CYFIP2: variants seen among roughly 807,000 people sequenced by gnomAD.
CYFIP2 encodes cytoplasmic FMR1 interacting protein 2, also known as cytoplasmic FMR1-interacting protein 2.
Under a neutral mutation model 158.7 loss-of-function variants are expected in CYFIP2, and 29 were observed. The ratio of observed to expected loss-of-function variants is 0.18; its 90% CI spans 0.14 to 0.25. The LOEUF (loss-of-function observed/expected upper bound fraction) is 0.25, where lower values mean the gene tolerates loss of function less well. CYFIP2 is among the 10% of genes least tolerant of loss of function. The probability of loss-of-function intolerance (pLI) is 1.00; values close to 1 mark genes in which losing one functional copy is unlikely to be tolerated. For missense variants in CYFIP2, 852 were observed against 1,639.5 expected, an observed-to-expected ratio of 0.52 and a Z score of 8.29; for synonymous variants, 585 against 617.6, an observed-to-expected ratio of 0.95 and a Z score of 0.78.
chr5:157,362,618 A>G (rs2113374186), intron 26 of CYFIP2: 1 of 152,304 alleles, frequency 6.6e-6, no homozygotes, highest in African/African-American at 2.4e-5. Flanking sequence ...CACTCATTAG[A>G]TAATTATTCC....
chr5:157,360,234 C>A, intron 24 of CYFIP2, 48 bp from the exon 25 acceptor site: 1 of 1,523,540 alleles, frequency 6.6e-7, no homozygotes, highest in Non-Finnish European at 9.0e-7. Flanking sequence ...CTCCATACCC[C>A]GCATAGCCCA....
intron 26 of CYFIP2, among the ~76,000 whole-genome samples, chr5:157,381,884 G>A (rs908117125): frequency 6.6e-6 from 1 of 152,222 alleles, no homozygotes; most frequent in African/African-American, 2.4e-5. Flanking sequence ...AACCCCGGCA[G>A]AGGATGGCTT....
intron 8 of CYFIP2, among the ~76,000 whole-genome samples, chr5:157,305,881 G>A (rs1759175513): frequency 6.6e-6 from 1 of 152,118 alleles, no homozygotes; most frequent in Non-Finnish European, 1.5e-5. Context: ...TTCAAAATTT[G>A]CAATCTGCAT....
At position 157,393,122 on chromosome 5, in the gene CYFIP2, C is replaced by T. The variant is rs1330475460; in HGVS notation, c.*122C>T. 2 of 1,126,150 alleles carry T rather than the reference C, an allele frequency of 1.8e-6. No homozygotes were observed. Among genetic ancestry groups the T allele is most frequent in the East Asian group, 2.6e-5 (1 of 39,034 alleles). The allele number at this position is 1,126,150 out of a possible 1,614,324, so 69.8% of individuals were successfully genotyped here. A position where few individuals can be genotyped will look rare whatever the true frequency, so the allele number is the denominator to read the frequency against. On this transcript the variant is annotated 3_prime_UTR_variant, in exon 31 of 31. Coordinates refer to ENST00000620254, the MANE Select transcript of CYFIP2 (RefSeq NM_001037333.3). ...GGGATGGACCTGGAAACAAGCACCT[C>T]CCCAAACACATCACCACTCCCTAGG...
chr5:157,275,490 T>G lies in CYFIP2; in HGVS notation c.-24+9295T>G, dbSNP rs1289084045. 4.6e-5 allele frequency among the ~76,000 whole-genome samples: 7 copies of G among 152,386 alleles called. No individual in the cohort carries two copies. In the South Asian group the frequency reaches 1.2e-3, roughly 27 times the overall value. On this transcript the variant is annotated intron_variant, in intron 1 of 30. Transcript: ENST00000620254. The stretch of plus-strand genomic sequence containing the variant: ...GGATTCTCAGTTCAATTCCATTAAT[T>G]TAATCATTGTTCATTGTCTTCATGG...
chr5:157,369,817 C>G (rs541987539), intron 26 of CYFIP2, among the ~76,000 whole-genome samples: 2 of 151,274 alleles, frequency 1.3e-5, no homozygotes, highest in African/African-American at 4.9e-5. Context: ...TGGAAATCTG[C>G]TTAAAAATTC....
Position 157,287,048 on chromosome 5 carries a change from G to A in CYFIP2, c.147G>A (p.Arg49=). 1 of 1,613,544 alleles carries A rather than the reference G, an allele frequency of 6.2e-7. No homozygotes were observed. The highest frequency in any genetic ancestry group is 8.5e-7 in the Non-Finnish European group (1 of 1,179,580). ...QANFDTNFED[R]NAFVTGIARY... ...ACTTTGACACAAACTTTGAGGACAGGAATGCATTTGTCACGGGCATTGCAA... is the reference window on the plus strand; with the variant it reads ...ACTTTGACACAAACTTTGAGGACAGAAATGCATTTGTCACGGGCATTGCAA... The change falls in exon 3 of 31, where the codon AGG becomes AGA. Residue 49 remains arginine, a synonymous_variant. Coordinates refer to ENST00000620254, the MANE Select transcript of CYFIP2 (RefSeq NM_001037333.3).
At chr5:157,314,289 A>T in intron 11 of CYFIP2, 55 bp from the exon 12 acceptor site, 1 of 1,580,970 alleles carries the variant, frequency 6.3e-7, no homozygotes, top group Non-Finnish European at 8.6e-7. Context: ...CAATGAGATA[A>T]CATATAAAAG....
At chr5:157,367,092 G>C (rs1311014581) in intron 26 of CYFIP2, among the ~76,000 whole-genome samples, 2 of 152,112 alleles carry the variant, frequency 1.3e-5, no homozygotes, top group Admixed American at 1.3e-4. Context: ...TCAGTCATTT[G>C]AGAGCATTAC....
chr5:157,348,842 A>C (rs1762872283), intron 23 of CYFIP2, among the ~76,000 whole-genome samples: 1 of 152,116 alleles, frequency 6.6e-6, no homozygotes, highest in African/African-American at 2.4e-5. Flanking sequence ...GCCTCTTCCC[A>C]AGAGCTAGTG....
intron 26 of CYFIP2, among the ~76,000 whole-genome samples, chr5:157,379,651 G>A (rs1765840824): frequency 8.6e-6 from 1 of 115,814 alleles, no homozygotes; most frequent in Non-Finnish European, 1.6e-5. Flanking sequence ...CCCAGGCAAG[G>A]GAGCAAGACC....
Position 157,333,376 on chromosome 5 carries a change from C to T in CYFIP2, c.2315C>T (p.Ser772Phe). 6.2e-7 allele frequency: 1 copy of T among 1,614,048 alleles called. No individual in the cohort carries two copies. The highest frequency in any genetic ancestry group is 8.5e-7 in the Non-Finnish European group (1 of 1,179,898). Reference sequence around the variant, plus strand: ...AACAGACTCATTACCCAGCGCATCTCTGCCGCCATGTATAAATCCTTGGAC... The same window carrying T: ...AACAGACTCATTACCCAGCGCATCTTTGCCGCCATGTATAAATCCTTGGAC... ...DLNRLITQRI[S>F]AAMYKSLDQA... is the part of the protein sequence containing the mutation. The change falls in exon 21 of 31, where the codon TCT becomes TTT. Residue 772 changes from serine (S) to phenylalanine (F), a missense_variant. Physicochemically the swap from Ser to Phe is radical, Grantham distance 155. Around this residue, in one of 8 missense-constraint regions of CYFIP2, gnomAD observed 191 missense variants for 311.2 expected, o/e 0.61. Coordinates refer to ENST00000620254, the MANE Select transcript of CYFIP2 (RefSeq NM_001037333.3).
chr5:157,362,623 T>C (rs1028227253), intron 26 of CYFIP2: 2 of 152,070 alleles, frequency 1.3e-5, no homozygotes, highest in Admixed American at 6.5e-5. Context: ...ATTAGATAAT[T>C]ATTCCTTGGA....
intron 11 of CYFIP2, among the ~76,000 whole-genome samples, chr5:157,313,374 A>C (rs189132383): frequency 1.3e-5 from 2 of 152,184 alleles, no homozygotes; most frequent in Non-Finnish European, 2.9e-5. Flanking sequence ...TTTTTTTTCC[A>C]TAAGGCATGT....
At chr5:157,329,609 A>G (rs1761287827) in intron 19 of CYFIP2, among the ~76,000 whole-genome samples, 1 of 152,248 alleles carries the variant, frequency 6.6e-6, no homozygotes, top group Admixed American at 6.5e-5. Context: ...AAAGAAGCAG[A>G]TGAAATTAAT....
chr5:157,392,783 C>T (rs191107692), intron 30 of CYFIP2, 50 bp from the exon 31 acceptor site: 2 of 1,594,296 alleles, frequency 1.3e-6, no homozygotes, highest in African/African-American at 2.7e-5. Context: ...CTCCCTCTTT[C>T]CACCCCCACT....
chr5:157,384,023 T>C (rs1766391562), intron 28 of CYFIP2, among the ~76,000 whole-genome samples: 1 of 152,220 alleles, frequency 6.6e-6, no homozygotes, highest in Admixed American at 6.5e-5. Context: ...TCTGGAATGA[T>C]GTCTACCTAG....
chr5:157,341,960 A>G (rs1211211133), intron 23 of CYFIP2: 1 of 152,384 alleles, frequency 6.6e-6, no homozygotes, highest in East Asian at 1.9e-4. Flanking sequence ...ACTGACTCGC[A>G]AAGTAAAAAC....
At chr5:157,295,430 C>G (rs2113871185) in intron 4 of CYFIP2, among the ~76,000 whole-genome samples, 1 of 152,312 alleles carries the variant, frequency 6.6e-6, no homozygotes, top group African/African-American at 2.4e-5. Flanking sequence ...GGTCCCATGG[C>G]AACAAAATCA....
Sources: allele counts gnomAD v4.1 joint callset (sites outside exome capture counted in the v4.1 genomes callset), GRCh38; gene constraint gnomAD v4.1.1; regional missense constraint gnomAD v4.1.1; transcripts MANE v1.5; gene names NCBI Gene and HGNC (gene_info 2026-07-23, HGNC 2026-07-21).